The following UBA7 variants were observed in gnomAD, a reference collection of about 807,000 sequenced individuals.
The protein encoded by UBA7 is ubiquitin-like modifier-activating enzyme 7.
UBA7 carries 88 observed loss-of-function variants against 113.0 expected under a neutral mutation model. That is an observed-to-expected ratio of 0.78 (90% CI 0.66 to 0.93). The LOEUF is 0.93. Among genes scored for constraint, UBA7 ranks in the 40% least tolerant of loss-of-function variants. The pLI is 0.00. For missense variants in UBA7, 1,092 were observed against 1,266.4 expected (o/e 0.86, Z 2.09); for synonymous variants, 459 against 513.0 (o/e 0.89, Z 1.42).
rs756057611 is a variant in UBA7, at chr3:49,811,030, A to G, written c.1184T>C (p.Leu395Pro). The G allele has an allele frequency of 6.2e-7, 1 of 1,614,126 alleles. No homozygotes were observed. The highest frequency in any genetic ancestry group is 8.5e-7 in the Non-Finnish European group (1 of 1,180,010). ...GGGAAGGAGCTCCCCATCTTCCGGA[A>G]GACAATCGAGGGCATCAAAGTAAAG... ...QWLYFDALDCLPEDGELLPSP... is the reference protein window; with the variant it reads ...QWLYFDALDCPPEDGELLPSP... The change falls in exon 10 of 24, where the codon CTT (leucine) becomes CCT (proline). Residue 395 changes from leucine (L) to proline (P), a missense_variant. Physicochemically the swap from Leu to Pro is moderately conservative, Grantham distance 98. Around this residue, in one of 3 missense-constraint regions of UBA7, gnomAD observed 584 missense variants for 714.5 expected, o/e 0.82. Transcript: ENST00000333486.
chr3:49,805,641 G>T (rs963802235), intron 23 of UBA7, among the ~76,000 whole-genome samples: 1 of 152,146 alleles, frequency 6.6e-6, no homozygotes, highest in African/African-American at 2.4e-5. Flanking sequence ...TCCCTTGGGA[G>T]TGGGCTGTGA....
At position 49,810,211 on chromosome 3, in the gene UBA7, G is replaced by A. The variant is rs1559434930; in HGVS notation, c.1634-28C>T. 2.5e-6 allele frequency: 4 copies of A among 1,612,536 alleles called. No homozygotes were observed. The highest frequency in any genetic ancestry group is 3.4e-6 in the Non-Finnish European group (4 of 1,179,040). On this transcript the variant is annotated intron_variant, in intron 13 of 23. Coordinates refer to ENST00000333486, the MANE Select transcript of UBA7 (RefSeq NM_003335.3). The surrounding 1 kb of genome is among the most constrained non-coding windows in gnomAD (Gnocchi z 5.6). The stretch of plus-strand genomic sequence containing the variant: ...GGCAAGGGAGCAGTGGGTCAGAAGT[G>A]GGACTGGCACAGCTGTGGGCAAGGG...
rs755285854 is a variant in UBA7 at position 49,812,216 on chromosome 3, T to C, written c.695-10A>G. ...TCCAGGGACCCATCCTCTGAGGGAG[T>C]TCCAGTCTAGTCAGTAATGATCCTT... On this transcript the variant is annotated splice_polypyrimidine_tract_variant and intron_variant, in intron 6 of 23. Coordinates refer to ENST00000333486, the MANE Select transcript of UBA7 (RefSeq NM_003335.3). The C allele has an allele frequency of 2.5e-6, 4 of 1,613,896 alleles. No homozygotes were observed. The Admixed American group carries it at 5.0e-5, about 20-fold the overall frequency.
At position 49,811,854 on chromosome 3, in the gene UBA7, C is replaced by T. The variant is rs1383471181; in HGVS notation, c.939+16G>A. The T allele has an allele frequency of 5.0e-6, 8 of 1,611,960 alleles. No individual in the cohort carries two copies. Among genetic ancestry groups the T allele is most frequent in the Non-Finnish European group, 6.8e-6 (8 of 1,179,462 alleles). Reference sequence around the variant, plus strand: ...AAATGACAGAGGCTGGGGGTGGGAGCAACAGGACTACTCACAGGATCCCAG... The same window carrying T: ...AAATGACAGAGGCTGGGGGTGGGAGTAACAGGACTACTCACAGGATCCCAG... On this transcript the variant is annotated intron_variant, in intron 8 of 23. Coordinates refer to ENST00000333486, the MANE Select transcript of UBA7 (RefSeq NM_003335.3).
rs1469051055 is a variant in UBA7, at chr3:49,810,936, C to T, written c.1230+48G>A. On this transcript the variant is annotated intron_variant, in intron 10 of 23. Coordinates refer to ENST00000333486, the MANE Select transcript of UBA7 (RefSeq NM_003335.3). The surrounding 1 kb of genome is among the most constrained non-coding windows in gnomAD (Gnocchi z 5.6). ...GGAGGGCATTCCTCATGCTTCTCCC[C>T]TAGTCCTGATTTTGGACAAGGCTTG... The T allele has an allele frequency of 1.1e-5, 18 of 1,611,584 alleles. No individual in the cohort carries two copies. The highest frequency in any genetic ancestry group is 1.4e-5 in the Non-Finnish European group (17 of 1,177,928).
intron 14 of UBA7, 24 bp downstream of exon 14, chr3:49,809,954 G>C: frequency 6.2e-7 from 1 of 1,614,060 alleles, no homozygotes; most frequent in Non-Finnish European, 8.5e-7. Context: ...TGGGTGGGGT[G>C]GGAGTCTCCA....
rs1416288845 is a variant in UBA7 at position 49,807,650 on chromosome 3, G to GC, written c.2715+85dup. On this transcript the variant is annotated intron_variant, in intron 21 of 23. Transcript: ENST00000333486. This position sits in a 1 kb window ranked among gnomAD's most constrained non-coding sequence, Gnocchi z 4.0. ...CTGCACAGTCTGAGTTTCAGTGAGA[G>GC]CCGGCAGCTAGATTGGGGCCTGTAT... 6.1e-6 allele frequency: 9 copies of GC among 1,469,806 alleles called. No individual in the cohort carries two copies. In the African/African-American group the frequency reaches 1.3e-4, roughly 21 times the overall value. 91.0% of individuals were successfully genotyped at this position (1,469,806 alleles called of 1,614,324 possible).
At position 49,810,477 on chromosome 3, in the gene UBA7, G is replaced by A. The variant is rs371301292; in HGVS notation, c.1467+40C>T. 9.9e-6 allele frequency: 16 copies of A among 1,613,814 alleles called. 1 individual carries two copies. The highest frequency in any genetic ancestry group is 6.7e-5 in the Admixed American group (4 of 59,996). The stretch of plus-strand genomic sequence containing the variant: ...TGGGTGGGAAGCTGTATGGGAGGAC[G>A]GTCTGGGATGCAGGAGTGTGGAGAG... On this transcript the variant is annotated intron_variant, in intron 12 of 23. Coordinates refer to ENST00000333486, the MANE Select transcript of UBA7 (RefSeq NM_003335.3). This position sits in a 1 kb window ranked among gnomAD's most constrained non-coding sequence, Gnocchi z 5.6.
rs201886467 is a variant in UBA7 at position 49,811,280 on chromosome 3, A to G, written c.1115T>C (p.Val372Ala). 22 of 1,614,022 alleles carry G rather than the reference A, an allele frequency of 1.4e-5. No individual in the cohort carries two copies. In the East Asian group the frequency reaches 4.5e-4, roughly 33 times the overall value. ...ACCTATGCCTCTGCCCACCTTCAGCACTTCCTGGGCAGCTACTGCACCCAG... is the reference window on the plus strand; with the variant it reads ...ACCTATGCCTCTGCCCACCTTCAGCGCTTCCTGGGCAGCTACTGCACCCAG... ...AMLGAVAAQE[V>A]LKAISRKFMP... The change falls in exon 9 of 24, where the codon GTG becomes GCG. Residue 372 changes from valine to alanine, a missense_variant. Physicochemically the swap from Val to Ala is moderately conservative, Grantham distance 64. Transcript: ENST00000333486.
Position 49,805,450 on chromosome 3 carries a change from G to T in UBA7, c.2910-13C>A. The T allele has an allele frequency of 3.1e-6, 5 of 1,610,964 alleles. No individual in the cohort carries two copies. The highest frequency in any genetic ancestry group is 4.2e-6 in the Non-Finnish European group (5 of 1,177,830). ...CAGTTCTGTCACCCTGGTAGGGGTG[G>T]GTTTAGGGGAGATTGGAGAGGTGAG... On this transcript the variant is annotated splice_polypyrimidine_tract_variant and intron_variant, in intron 23 of 23. Coordinates refer to ENST00000333486, the MANE Select transcript of UBA7 (RefSeq NM_003335.3).
chr3:49,811,438 C>T lies in UBA7; in HGVS notation c.957G>A (p.Val319=), dbSNP rs780500621. 4 of 1,583,114 alleles carry T rather than the reference C, an allele frequency of 2.5e-6. No individual in the cohort carries two copies. The highest frequency in any genetic ancestry group is 3.4e-6 in the Non-Finnish European group (4 of 1,164,960). ...GTTCCAGGTCCCGGGCCAGGCCCAC[C>T]ACAGTCTCTGCATCAACCTGTTGGT... ...QPWDPVDAET[V]VGLARDLEPL... Residue 319 remains valine, a synonymous_variant, in exon 9 of 24, where the codon GTG becomes GTA. Coordinates refer to ENST00000333486, the MANE Select transcript of UBA7 (RefSeq NM_003335.3).
At position 49,807,985 on chromosome 3, in the gene UBA7, C is replaced by T; in HGVS notation, c.2523+35G>A. 6.2e-7 allele frequency: 1 copy of T among 1,614,040 alleles called. No homozygotes were observed. The highest frequency in any genetic ancestry group is 1.1e-5 in the South Asian group (1 of 91,066). ...AGGCGTAGGGCCAGGGTTTGCCCTCCACCTCCAGGCCCAAGCCTCAAGGGG... is the reference window on the plus strand; with the variant it reads ...AGGCGTAGGGCCAGGGTTTGCCCTCTACCTCCAGGCCCAAGCCTCAAGGGG... On this transcript the variant is annotated intron_variant, in intron 20 of 23. Transcript: ENST00000333486. This position sits in a 1 kb window ranked among gnomAD's most constrained non-coding sequence, Gnocchi z 4.0.
chr3:49,810,447 G>T lies in UBA7; in HGVS notation c.1468-19C>A. The T allele has an allele frequency of 3.1e-6, 5 of 1,614,104 alleles. No individual in the cohort carries two copies. The highest frequency in any genetic ancestry group is 3.4e-6 in the Non-Finnish European group (4 of 1,179,984). On this transcript the variant is annotated intron_variant, in intron 12 of 23. Coordinates refer to ENST00000333486, the MANE Select transcript of UBA7 (RefSeq NM_003335.3). The surrounding 1 kb of genome is among the most constrained non-coding windows in gnomAD (Gnocchi z 5.6). ...TGGGTCTCTGGGAAGAAGGCAGGAAGATGTTGGGTGGGAAGCTGTATGGGA... is the reference window on the plus strand; with the variant it reads ...TGGGTCTCTGGGAAGAAGGCAGGAATATGTTGGGTGGGAAGCTGTATGGGA...
intron 2 of UBA7, 22 bp downstream of exon 2, chr3:49,813,457 C>G (rs2081583002): frequency 1.2e-6 from 2 of 1,610,442 alleles, no homozygotes; most frequent in African/African-American, 1.3e-5. Flanking sequence ...TCTGGCAGCC[C>G]ATAGCCCCCC....
rs2081501282 is a variant in UBA7 at position 49,809,144 on chromosome 3, AGAG to A, written c.2176_2178del (p.Leu726del). On this transcript the variant is annotated inframe_deletion, in exon 18 of 24. Transcript: ENST00000333486. ...TACAGGTTGGCAGCTGCCAGTACGT[AGAG>A]GAGGTGTGTGTCCTGCAGCCAGACC... is the stretch of plus-strand genomic sequence containing the variant. 1.9e-6 allele frequency: 3 copies of A among 1,612,098 alleles called. No individual in the cohort carries two copies. In the East Asian group the frequency reaches 6.7e-5, roughly 36 times the overall value.
chr3:49,805,430 CTG>C lies in UBA7; in HGVS notation c.2915_2916del (p.Thr972ArgfsTer25). On this transcript the variant is annotated frameshift_variant, in exon 24 of 24. Transcript: ENST00000333486. LOFTEE classifies it high-confidence loss of function. ...TGGCCTGTCAGCTGCTGAACCAGTT[CTG>C]TCACCCTGGTAGGGGTGGGTTTAGG... is the stretch of plus-strand genomic sequence containing the variant. Reference protein sequence around the residue: ...KQAQHLPLRVTELVQQLTGQA... With the variant: ...KQAQHLPLRVXELVQQLTGQA... 1 of 1,596,528 alleles carries C rather than the reference CTG, an allele frequency of 6.3e-7. No individual in the cohort carries two copies. The highest frequency in any genetic ancestry group is 8.5e-7 in the Non-Finnish European group (1 of 1,173,588).
intron 4 of UBA7, 120 bp downstream of exon 4, chr3:49,812,941 AG>A (rs1284110954): frequency 1.6e-6 from 2 of 1,263,726 alleles, no homozygotes; most frequent in African/African-American, 3.0e-5. Context: ...AGAATCAGAA[AG>A]GCATGCTGGG....
intron 23 of UBA7, 101 bp from the exon 24 acceptor site, chr3:49,805,538 C>T: frequency 8.9e-7 from 1 of 1,124,396 alleles, no homozygotes; most frequent in South Asian, 1.3e-5. Context: ...CGTCAGGAGC[C>T]CAAGCCAGGA....
chr3:49,806,096 C>T lies in UBA7; in HGVS notation c.2785G>A (p.Glu929Lys). 6.3e-7 allele frequency: 1 copy of T among 1,596,880 alleles called. No homozygotes were observed. Among genetic ancestry groups the T allele is most frequent in the Non-Finnish European group, 8.5e-7 (1 of 1,172,112 alleles). ...ACCTGAAGATGAGCCAGCAGCGACT[C>T]CAGGGTCCTCTCAGGCTGCCCAGCT... ...VPAGQPERTLESLLAHLQEQH... is the reference protein window; with the variant it reads ...VPAGQPERTLKSLLAHLQEQH... Residue 929 changes from glutamate (E) to lysine (K), a missense_variant, in exon 22 of 24, where the codon GAG becomes AAG. Physicochemically the swap from Glu to Lys is moderately conservative, Grantham distance 56. This residue lies in a region of UBA7 where 500 missense variants were observed against 529.3 expected (regional missense o/e 0.94). Transcript: ENST00000333486.
Sources: gnomAD v4.1 joint callset for allele counts (sites outside exome capture counted in the v4.1 genomes callset) on GRCh38, gnomAD v4.1.1 for gene constraint, gnomAD v4.1.1 regional missense constraint, Gnocchi (gnomAD v3.1) non-coding constraint, MANE v1.5 for transcripts, NCBI Gene and HGNC (gene_info 2026-07-23, HGNC 2026-07-21) for gene names.